ANTXR1: variants seen among roughly 807,000 people sequenced by gnomAD.
ANTXR1 encodes ANTXR cell adhesion molecule 1.
Under a neutral mutation model 78.1 loss-of-function variants are expected in ANTXR1, and 19 were observed. The ratio of observed to expected loss-of-function variants is 0.24; its 90% CI spans 0.17 to 0.36. The LOEUF (loss-of-function observed/expected upper bound fraction) is 0.36. ANTXR1 is among the 10% of genes least tolerant of loss of function. The pLI is 1.00. For synonymous variants in ANTXR1, 273 were observed against 260.5 expected, an observed-to-expected ratio of 1.05 and a Z score of -0.46; for missense variants, 518 against 718.6, an observed-to-expected ratio of 0.72 and a Z score of 3.19.
At chr2:69,189,453 C>T (rs975969165) in intron 16 of ANTXR1, among the ~76,000 whole-genome samples, 3 of 152,194 alleles carry the variant, frequency 2.0e-5, no homozygotes, top group Non-Finnish European at 4.4e-5. Context: ...TCACACTGGC[C>T]AGTAAGATGT....
intron 16 of ANTXR1, among the ~76,000 whole-genome samples, chr2:69,192,033 C>T (rs1035344839): frequency 6.6e-6 from 1 of 152,162 alleles, no homozygotes; most frequent in African/African-American, 2.4e-5. Context: ...AGATGTTGTC[C>T]TAAGGGATAG....
At chr2:69,017,104 G>A (rs576625997) in intron 1 of ANTXR1, among the ~76,000 whole-genome samples, 1 of 152,276 alleles carries the variant, frequency 6.6e-6, no homozygotes, top group African/African-American at 2.4e-5. Flanking sequence ...AGAACTTGGT[G>A]CGGTAGTGCA....
At chr2:69,184,003 G>T (rs531293446) in intron 16 of ANTXR1, among the ~76,000 whole-genome samples, 96 of 152,012 alleles carry the variant, frequency 6.3e-4, no homozygotes, top group African/African-American at 2.3e-3. Flanking sequence ...CAACTCCAAA[G>T]CCTCAAGTCA....
intron 17 of ANTXR1, among the ~76,000 whole-genome samples, chr2:69,220,651 A>G (rs1381320225): frequency 6.6e-6 from 1 of 152,254 alleles, no homozygotes; most frequent in African/African-American, 2.4e-5. Flanking sequence ...ACAACTTTTC[A>G]AAACATATAT....
rs75538996 is a variant in ANTXR1, at chr2:69,202,293, A to G, written c.1434+8878A>G. On this transcript the variant is annotated intron_variant, in intron 17 of 17. Coordinates refer to ENST00000303714, the MANE Select transcript of ANTXR1 (RefSeq NM_032208.3). ...GGAAGCCAAGGGAAAATAATACATT[A>G]TGGAGGAGGGTGGAGTGTCAAGTGA... Among the ~76,000 whole-genome samples, 726 of 152,288 alleles carry G rather than the reference A, an allele frequency of 4.8e-3. 5 individuals are homozygous for G. The highest frequency in any genetic ancestry group is 0.017 in the African/African-American group (698 of 41,556).
intron 7 of ANTXR1, 127 bp downstream of exon 7, chr2:69,075,785 T>G: frequency 2.2e-6 from 2 of 910,652 alleles, no homozygotes; most frequent in Non-Finnish European, 3.6e-6. Flanking sequence ...TTTCTAGAAA[T>G]GCTAAACAGG....
At chr2:69,115,204 C>T (rs538604601) in intron 10 of ANTXR1, among the ~76,000 whole-genome samples, 2 of 152,218 alleles carry the variant, frequency 1.3e-5, no homozygotes, top group Non-Finnish European at 2.9e-5. Flanking sequence ...GGGGCAAAAT[C>T]AACCCCCATT....
intron 16 of ANTXR1, among the ~76,000 whole-genome samples, chr2:69,189,863 T>A (rs977509605): frequency 1.3e-5 from 2 of 152,150 alleles, no homozygotes; most frequent in African/African-American, 4.8e-5. Context: ...CAGTTTATAA[T>A]GTTTGACTTT....
intron 1 of ANTXR1, among the ~76,000 whole-genome samples, chr2:69,039,519 CAATT>C (rs1669549878): frequency 1.3e-5 from 2 of 152,016 alleles, no homozygotes; most frequent in Middle Eastern, 3.4e-3. Context: ...TAAACTTCAC[CAATT>C]AATTAATTAT....
chr2:69,090,827 T>G (rs765708597), intron 8 of ANTXR1, 32 bp from the exon 9 acceptor site: 2 of 1,607,932 alleles, frequency 1.2e-6, no homozygotes, highest in East Asian at 4.5e-5. Flanking sequence ...AAATAAGCTG[T>G]GCATTGACTC....
At chr2:69,211,658 G>A (rs983189840) in intron 17 of ANTXR1, among the ~76,000 whole-genome samples, 25 of 152,182 alleles carry the variant, frequency 1.6e-4, no homozygotes, top group African/African-American at 5.8e-4. Flanking sequence ...ATCTCCAAAG[G>A]GGGAACATAC....
chr2:69,159,339 C>T lies in ANTXR1; in HGVS notation c.1047+7075C>T, dbSNP rs149775089. Among the ~76,000 whole-genome samples, 746 of 151,972 alleles carry T rather than the reference C, an allele frequency of 4.9e-3. 14 individuals carry two copies. Among genetic ancestry groups the T allele is most frequent in the East Asian group, 0.047 (242 of 5,162 alleles). On this transcript the variant is annotated intron_variant, in intron 13 of 17. Coordinates refer to ENST00000303714, the MANE Select transcript of ANTXR1 (RefSeq NM_032208.3). ...TATAATCCCAACACTTTGGAAGAGC[C>T]GAGGCAGGAGGATCACTTGAGCCCT...
At chr2:69,041,314 G>C (rs1420729856) in intron 2 of ANTXR1, among the ~76,000 whole-genome samples, 1 of 152,208 alleles carries the variant, frequency 6.6e-6, no homozygotes, top group African/African-American at 2.4e-5. Context: ...CACTGCCTTT[G>C]AGGCAAAAGT....
At chr2:69,114,175 C>T (rs1197411606) in intron 10 of ANTXR1, among the ~76,000 whole-genome samples, 3 of 152,168 alleles carry the variant, frequency 2.0e-5, no homozygotes, top group Non-Finnish European at 4.4e-5. Context: ...ATTAATTTTA[C>T]CACTGGAAGT....
At chr2:69,028,420 G>C (rs1248226217) in intron 1 of ANTXR1, among the ~76,000 whole-genome samples, 1 of 152,014 alleles carries the variant, frequency 6.6e-6, no homozygotes, top group Admixed American at 6.5e-5. Flanking sequence ...TTTTATGATG[G>C]ATAAAATTTT....
chr2:69,018,467 G>A (rs929968401), intron 1 of ANTXR1, among the ~76,000 whole-genome samples: 5 of 152,136 alleles, frequency 3.3e-5, no homozygotes, highest in Non-Finnish European at 4.4e-5. Flanking sequence ...TTCCCCATCA[G>A]GTATAGTACT....
intron 3 of ANTXR1, among the ~76,000 whole-genome samples, chr2:69,063,533 G>T (rs1670307164): frequency 6.6e-6 from 1 of 151,814 alleles, no homozygotes; most frequent in African/African-American, 2.4e-5. Context: ...GAATTCTTTA[G>T]GGTGAAGGAA....
At chr2:69,047,109 C>A (rs1430971188) in intron 3 of ANTXR1, among the ~76,000 whole-genome samples, 1 of 152,132 alleles carries the variant, frequency 6.6e-6, no homozygotes, top group Non-Finnish European at 1.5e-5. Context: ...GGAGGGCTGA[C>A]TTCTAGTATA....
chr2:69,018,108 G>C (rs1407420726), intron 1 of ANTXR1, among the ~76,000 whole-genome samples: 1 of 152,086 alleles, frequency 6.6e-6, no homozygotes, highest in Non-Finnish European at 1.5e-5. Context: ...TGGAAGGCAG[G>C]AGTAAACGCT....
Sources: allele counts gnomAD v4.1 joint callset (sites outside exome capture counted in the v4.1 genomes callset), GRCh38; gene constraint gnomAD v4.1.1; transcripts MANE v1.5; gene names NCBI Gene and HGNC (gene_info 2026-07-23, HGNC 2026-07-21).